The following CEP135 variants were observed in gnomAD, a reference collection of about 807,000 sequenced individuals.
CEP135 encodes the protein centrosomal protein 135.
Under a neutral mutation model 157.3 loss-of-function variants are expected in CEP135, and 142 were observed. The observed-to-expected ratio is 0.90, with a 90% CI of 0.79 to 1.04. The LOEUF is 1.04. Ranked by LOEUF, CEP135 falls within the 50% of genes least tolerant of loss-of-function variation. The probability of loss-of-function intolerance (pLI) is 0.00; values close to 1 mark genes in which losing one functional copy is unlikely to be tolerated. For missense variants in CEP135, 1,317 were observed against 1,309.2 expected, an observed-to-expected ratio of 1.01 and a Z score of -0.09; for synonymous variants, 396 against 439.8, an observed-to-expected ratio of 0.90 and a Z score of 1.25.
chr4:55,956,684 C>G (rs1158452629), intron 4 of CEP135, among the ~76,000 whole-genome samples: 1 of 152,088 alleles, frequency 6.6e-6, no homozygotes, highest in African/African-American at 2.4e-5. Flanking sequence ...AATCTTGGCC[C>G]ACCACAACCT....
At chr4:55,960,968 T>C (rs1728661369) in intron 6 of CEP135, 1 of 140,672 alleles carries the variant, frequency 7.1e-6, no homozygotes, top group South Asian at 2.3e-4. Context: ...TTAGCTGAGG[T>C]TGTGGTGTGT....
intron 21 of CEP135, among the ~76,000 whole-genome samples, chr4:56,013,509 A>G (rs2109736795): frequency 6.6e-6 from 1 of 152,276 alleles, no homozygotes; most frequent in East Asian, 1.9e-4. Context: ...TTTAGCTCAT[A>G]TATTCAGGTC....
chr4:56,023,640 TATATA>T (rs576752798), intron 24 of CEP135, among the ~76,000 whole-genome samples: 48 of 145,336 alleles, frequency 3.3e-4, no homozygotes, highest in African/African-American at 9.8e-4. Context: ...TAATATGTAA[TATATA>T]ATACATATAA....
chr4:55,984,628 T>C lies in CEP135; in HGVS notation c.1780-653T>C, dbSNP rs573792556. ...AAATACATACAATACAGTGACCCTT[T>C]CAACCAAATGTGTAATCTGAACATC... is the stretch of plus-strand genomic sequence containing the variant. On this transcript the variant is annotated intron_variant, in intron 13 of 25. Transcript: ENST00000257287. 3.3e-4 allele frequency among the ~76,000 whole-genome samples: 50 copies of C among 152,344 alleles called. 1 individual carries two copies. The highest frequency in any genetic ancestry group is 1.9e-3 in the South Asian group (9 of 4,818).
intron 11 of CEP135, among the ~76,000 whole-genome samples, chr4:55,979,368 G>T (rs1177496378): frequency 6.6e-6 from 1 of 151,994 alleles, no homozygotes; most frequent in Non-Finnish European, 1.5e-5. Context: ...TAAATTGTAG[G>T]CATCTTTTAA....
At position 55,975,246 on chromosome 4, in the gene CEP135, G is replaced by A. The variant is rs569883162; in HGVS notation, c.1473+277G>A. 9.8e-5 allele frequency among the ~76,000 whole-genome samples: 15 copies of A among 152,340 alleles called. 1 individual carries two copies. The South Asian group carries it at 2.9e-3, about 29-fold the overall frequency. On this transcript the variant is annotated intron_variant, in intron 11 of 25. Coordinates refer to ENST00000257287, the MANE Select transcript of CEP135 (RefSeq NM_025009.5). The stretch of plus-strand genomic sequence containing the variant: ...CACCTGGCCTTCCAGTACTCATATT[G>A]TTGGACATTCCCTCTCTTTTTAGAA...
rs1248810641 is a variant in CEP135 at position 56,008,376 on chromosome 4, C to T, written c.2330C>T (p.Ser777Phe). ...ATAATGATCTCAGAGTGTGAATCAT[C>T]TGTGAAGTAAGTCATTAATGAAATT... ...MKIMISECES[S>F]VNQLKETLVN... The change falls in exon 18 of 26, where the codon TCT becomes TTT. Residue 777 changes from serine to phenylalanine, a missense_variant. Coordinates refer to ENST00000257287, the MANE Select transcript of CEP135 (RefSeq NM_025009.5). 1.9e-6 allele frequency: 3 copies of T among 1,608,434 alleles called. No homozygotes were observed. Among genetic ancestry groups the T allele is most frequent in the Non-Finnish European group, 2.5e-6 (3 of 1,177,188 alleles).
At position 56,009,707 on chromosome 4, in the gene CEP135, T is replaced by C. The variant is rs773980604; in HGVS notation, c.2337-28T>C. ...AACTACAGTTTTTAAAAGTTTTCTT[T>C]ATTAGTTTCACATCACTCATTTAAC... is the stretch of plus-strand genomic sequence containing the variant. On this transcript the variant is annotated intron_variant, in intron 18 of 25. Transcript: ENST00000257287. 28 of 1,575,360 alleles carry C rather than the reference T, an allele frequency of 1.8e-5. No individual in the cohort carries two copies. In the African/African-American group the frequency reaches 3.4e-4, roughly 19 times the overall value.
chr4:55,994,588 C>T (rs1560414083), intron 15 of CEP135, among the ~76,000 whole-genome samples: 1 of 152,000 alleles, frequency 6.6e-6, no homozygotes, highest in African/African-American at 2.4e-5. Context: ...CTGAGGTACC[C>T]ATCTTCTTTT....
chr4:56,013,442 G>A (rs1730662029), intron 21 of CEP135, among the ~76,000 whole-genome samples: 1 of 151,554 alleles, frequency 6.6e-6, no homozygotes, highest in South Asian at 2.1e-4. Flanking sequence ...AGAAATTATT[G>A]TTAACTGCAA....
At chr4:56,010,175 A>ACCCCCCCCCCC (rs3036749) in intron 19 of CEP135, among the ~76,000 whole-genome samples, 2 of 122,886 alleles carry the variant, frequency 1.6e-5, no homozygotes, top group Non-Finnish European at 1.8e-5. Context: ...CATTGTGAAA[A>ACCCCCCCCCCC]CCCCCCCCCC....
At chr4:56,027,455 C>G (rs1275816300) in intron 25 of CEP135, among the ~76,000 whole-genome samples, 1 of 152,178 alleles carries the variant, frequency 6.6e-6, no homozygotes, top group Non-Finnish European at 1.5e-5. Context: ...TATTTACTGC[C>G]TGTCTCTTGA....
chr4:56,018,836 A>G (rs1042415698), intron 22 of CEP135, among the ~76,000 whole-genome samples: 16 of 152,320 alleles, frequency 1.1e-4, no homozygotes, highest in African/African-American at 3.6e-4. Context: ...CCCGATAAAA[A>G]TCTCAAGGTG....
chr4:55,951,462 A>G (rs539052267), intron 1 of CEP135, among the ~76,000 whole-genome samples: 64 of 152,226 alleles, frequency 4.2e-4, no homozygotes, highest in African/African-American at 1.4e-3. Context: ...TGTTGTTTTA[A>G]TTTGTATTTC....
chr4:55,962,699 AT>A (rs1472755436), intron 6 of CEP135, among the ~76,000 whole-genome samples: 6 of 97,354 alleles, frequency 6.2e-5, no homozygotes, highest in African/African-American at 7.7e-5. Context: ...CCATGACTTC[AT>A]TTTTTTCCAG....
At chr4:55,962,615 T>C (rs1728717475) in intron 6 of CEP135, among the ~76,000 whole-genome samples, 1 of 152,208 alleles carries the variant, frequency 6.6e-6, no homozygotes, top group Non-Finnish European at 1.5e-5. Context: ...TCCAAAAGGA[T>C]ACTTACAGTC....
intron 13 of CEP135, among the ~76,000 whole-genome samples, chr4:55,982,483 G>A (rs1315503237): frequency 6.6e-6 from 1 of 152,166 alleles, no homozygotes; most frequent in Admixed American, 6.5e-5. Context: ...GGTGTGAAAT[G>A]TCTCCATTGT....
chr4:55,966,850 A>T (rs1476758743), intron 8 of CEP135, among the ~76,000 whole-genome samples: 1 of 152,204 alleles, frequency 6.6e-6, no homozygotes, highest in Non-Finnish European at 1.5e-5. Flanking sequence ...GTTGGTAATT[A>T]TAATAACATT....
In CEP135 at chr4:55,991,465, C is replaced by G. The variant is rs566981335; in HGVS notation, c.1858-469C>G. Reference sequence around the variant, plus strand: ...TGTATTTACAATATTGTGCTCCCATCAAGAAACATTGTGTTGCCTGTACAT... The same window carrying G: ...TGTATTTACAATATTGTGCTCCCATGAAGAAACATTGTGTTGCCTGTACAT... On this transcript the variant is annotated intron_variant, in intron 14 of 25. Coordinates refer to ENST00000257287, the MANE Select transcript of CEP135 (RefSeq NM_025009.5). Among the ~76,000 whole-genome samples, 8 of 152,076 alleles carry G rather than the reference C, an allele frequency of 5.3e-5. No homozygotes were observed. In the South Asian group the frequency reaches 1.7e-3, roughly 32 times the overall value.
Sources: gnomAD v4.1 joint callset for allele counts (sites outside exome capture counted in the v4.1 genomes callset) on GRCh38, gnomAD v4.1.1 for gene constraint, MANE v1.5 for transcripts, NCBI Gene and HGNC (gene_info 2026-07-23, HGNC 2026-07-21) for gene names.